The following HDC variants were observed in gnomAD, a reference collection of about 807,000 sequenced individuals.
The protein encoded by HDC is histidine decarboxylase.
A neutral mutation model predicts 64.4 loss-of-function variants in HDC; 27 were observed. The ratio of observed to expected loss-of-function variants is 0.42; its 90% CI spans 0.31 to 0.58. The LOEUF (loss-of-function observed/expected upper bound fraction) is 0.58, where lower values mean the gene tolerates loss of function less well. HDC is among the 20% of genes least tolerant of loss of function. The pLI, the probability that HDC is intolerant of heterozygous loss-of-function variation, is 0.16. For missense variants in HDC, 711 were observed against 833.9 expected (o/e 0.85, Z 1.81); for synonymous variants, 305 against 314.2 (o/e 0.97, Z 0.31).
At chr15:50,254,466 C>A in intron 5 of HDC, 64 bp downstream of exon 5, 2 of 1,611,996 alleles carry the variant, frequency 1.2e-6, no homozygotes, top group South Asian at 2.2e-5. Flanking sequence ...AAAAATTGCT[C>A]AAGGACCAAG....
chr15:50,242,632 G>C lies in HDC; in HGVS notation c.1617C>G (p.Gly539=). The change falls in exon 12 of 12, where the codon GGC becomes GGG. Residue 539 remains glycine, a synonymous_variant. Coordinates refer to ENST00000267845, the MANE Select transcript of HDC (RefSeq NM_002112.4). ...GGTCCAGCAGGGTTTCAAGATGGAGGCCATTTTCCCTTTTCATGGGACCGG... is the reference window on the plus strand; with the variant it reads ...GGTCCAGCAGGGTTTCAAGATGGAGCCCATTTTCCCTTTTCATGGGACCGG... ...VGAGPMKREN[G]LHLETLLDPV... 1.9e-6 allele frequency: 3 copies of C among 1,614,170 alleles called. No homozygotes were observed. Among genetic ancestry groups the C allele is most frequent in the Non-Finnish European group, 2.5e-6 (3 of 1,180,032 alleles).
At chr15:50,256,695 A>T (rs1210069047) in intron 4 of HDC, among the ~76,000 whole-genome samples, 2 of 152,212 alleles carry the variant, frequency 1.3e-5, no homozygotes, top group Non-Finnish European at 2.9e-5. Flanking sequence ...CACGATTTTT[A>T]TTTAAAAAAA....
intron 2 of HDC, among the ~76,000 whole-genome samples, chr15:50,261,252 T>G (rs1018604441): frequency 6.6e-6 from 1 of 152,162 alleles, no homozygotes; most frequent in Non-Finnish European, 1.5e-5. Context: ...CCACAGCAAC[T>G]GCTGGAATTC....
At chr15:50,262,646 C>T (rs1279572267) in intron 2 of HDC, among the ~76,000 whole-genome samples, 2 of 152,196 alleles carry the variant, frequency 1.3e-5, no homozygotes, top group African/African-American at 4.8e-5. Context: ...GGGAAAGTCC[C>T]TTCTTGCTCT....
rs1378652800 is a variant in HDC at position 50,243,123 on chromosome 15, G to C, written c.1242+20C>G. On this transcript the variant is annotated intron_variant, in intron 11 of 11. Coordinates refer to ENST00000267845, the MANE Select transcript of HDC (RefSeq NM_002112.4). Reference sequence around the variant, plus strand: ...CACCACAAGACATCATTCACAGAGGGGCTTGGAAGATGGTATTACCTTTAG... The same window carrying C: ...CACCACAAGACATCATTCACAGAGGCGCTTGGAAGATGGTATTACCTTTAG... 2 of 1,610,694 alleles carry C rather than the reference G, an allele frequency of 1.2e-6. No individual in the cohort carries two copies. The highest frequency in any genetic ancestry group is 2.2e-5 in the East Asian group (1 of 44,872).
chr15:50,246,521 C>T (rs931556645), intron 10 of HDC, among the ~76,000 whole-genome samples: 3 of 152,072 alleles, frequency 2.0e-5, no homozygotes, highest in African/African-American at 4.8e-5. Flanking sequence ...GTGAAGGACA[C>T]GGGTGAAGGT....
intron 2 of HDC, among the ~76,000 whole-genome samples, chr15:50,262,725 G>A (rs1185962917): frequency 6.6e-6 from 1 of 152,162 alleles, no homozygotes; most frequent in Non-Finnish European, 1.5e-5. Flanking sequence ...TCAGTTTCCT[G>A]GGCCAACGCA....
intron 10 of HDC, among the ~76,000 whole-genome samples, chr15:50,244,179 C>T (rs2045444920): frequency 6.6e-6 from 1 of 151,974 alleles, no homozygotes; most frequent in African/African-American, 2.4e-5. Flanking sequence ...AAAATTTCTC[C>T]AAGCATCCAG....
intron 4 of HDC, 69 bp from the exon 5 acceptor site, chr15:50,254,733 GTTTT>G (rs200012989): frequency 4.2e-5 from 45 of 1,075,102 alleles, no homozygotes; most frequent in Non-Finnish European, 5.5e-5. Context: ...AGGCTTTCTA[GTTTT>G]TTCTCTCTCT....
intron 10 of HDC, among the ~76,000 whole-genome samples, chr15:50,246,596 A>C (rs927941136): frequency 6.6e-6 from 1 of 152,178 alleles, no homozygotes; most frequent in Admixed American, 6.5e-5. Context: ...GGTAGGAGCT[A>C]ATCGTCAAGT....
chr15:50,245,380 G>A (rs1282127773), intron 10 of HDC, among the ~76,000 whole-genome samples: 1 of 152,038 alleles, frequency 6.6e-6, no homozygotes, highest in Non-Finnish European at 1.5e-5. Context: ...CCCTATTGTA[G>A]GTGATAGGAG....
chr15:50,252,968 T>C (rs2140933961), intron 7 of HDC, 194 bp from the exon 8 acceptor site: 1 of 615,972 alleles, frequency 1.6e-6, no homozygotes, highest in Non-Finnish European at 2.9e-6. Flanking sequence ...TACCTCCGAA[T>C]GGGAAAGTCT....
At chr15:50,243,818 A>G (rs762743875) in intron 10 of HDC, among the ~76,000 whole-genome samples, 2 of 152,228 alleles carry the variant, frequency 1.3e-5, no homozygotes, top group Non-Finnish European at 2.9e-5. Flanking sequence ...CATAGAGAAC[A>G]TATTTTCACA....
intron 10 of HDC, among the ~76,000 whole-genome samples, chr15:50,245,693 G>A (rs1004184394): frequency 1.3e-5 from 2 of 151,640 alleles, no homozygotes; most frequent in Non-Finnish European, 2.9e-5. Flanking sequence ...CCAGGAGCGT[G>A]AGAACAACCT....
intron 2 of HDC, among the ~76,000 whole-genome samples, chr15:50,261,874 T>C (rs1303430490): frequency 1.3e-5 from 2 of 151,984 alleles, no homozygotes; most frequent in African/African-American, 4.8e-5. Context: ...CATGCCCAGC[T>C]AATTTTGTAT....
At chr15:50,264,533 T>C (rs2045743940) in intron 1 of HDC, among the ~76,000 whole-genome samples, 1 of 152,204 alleles carries the variant, frequency 6.6e-6, no homozygotes, top group African/African-American at 2.4e-5. Flanking sequence ...TCTGAAACTA[T>C]TGCAAATTAT....
chr15:50,257,542 G>A lies in HDC; in HGVS notation c.324C>T (p.Ser108=). The A allele has an allele frequency of 6.2e-7, 1 of 1,614,118 alleles. No individual in the cohort carries two copies. The highest frequency in any genetic ancestry group is 8.5e-7 in the Non-Finnish European group (1 of 1,180,004). ...TCTCCAGCTCTGTACACGCAGGGCT[G>A]GATGCCTGAGAAAGGAAAAGGAACT... ...AINCLGFTWA[S]SPACTELEMN... The change falls in exon 4 of 12, where the codon TCC becomes TCT. Residue 108 remains serine, a synonymous_variant. Coordinates refer to ENST00000267845, the MANE Select transcript of HDC (RefSeq NM_002112.4).
chr15:50,249,647 G>C (rs897807929), intron 9 of HDC, among the ~76,000 whole-genome samples: 1 of 152,244 alleles, frequency 6.6e-6, no homozygotes, highest in Non-Finnish European at 1.5e-5. Context: ...GCTGTAACAA[G>C]GAAAGTGTCA....
In HDC at chr15:50,242,377, C is replaced by A. The variant is rs750423514; in HGVS notation, c.1872G>T (p.Met624Ile). ...GTTTTTTGAAGGCACTTTTCTTCAG[C>A]ATCATCATGTCTTCTGGAAACCTGG... ...IFSRFPEDMM[M>I]LKKSAFKKLI... Residue 624 changes from methionine to isoleucine, a missense_variant, in exon 12 of 12, where the codon ATG becomes ATT. Coordinates refer to ENST00000267845, the MANE Select transcript of HDC (RefSeq NM_002112.4). 3.1e-6 allele frequency: 5 copies of A among 1,614,200 alleles called. No individual in the cohort carries two copies. The Admixed American group carries it at 8.3e-5, about 27-fold the overall frequency.
Sources: allele counts gnomAD v4.1 joint callset (sites outside exome capture counted in the v4.1 genomes callset), GRCh38; gene constraint gnomAD v4.1.1; transcripts MANE v1.5; gene names NCBI Gene and HGNC (gene_info 2026-07-23, HGNC 2026-07-21).